Variants in GAD1 observed in about 807,000 individuals in gnomAD.
GAD1 encodes the protein glutamate decarboxylase 1, also known as 67 kDa glutamic acid decarboxylase.
GAD1 carries 35 observed loss-of-function variants against 75.2 expected under a neutral mutation model. The ratio of observed to expected loss-of-function variants is 0.47; its 90% confidence interval spans 0.36 to 0.62. The LOEUF (loss-of-function observed/expected upper bound fraction) is 0.62. GAD1 is among the 20% of genes least tolerant of loss of function. The pLI is 0.00. For missense variants in GAD1, 490 were observed against 758.5 expected (o/e 0.65, Z 4.16); for synonymous variants, 257 against 271.9 (o/e 0.95, Z 0.54).
chr2:170,857,202 C>A, intron 15 of GAD1, 77 bp downstream of exon 15: 1 of 1,152,946 alleles, frequency 8.7e-7, no homozygotes, highest in Non-Finnish European at 1.3e-6. Context: ...CTTCTGGCAA[C>A]ATGGGAAAAT....
intron 12 of GAD1, 80 bp from the exon 13 acceptor site, chr2:170,852,634 G>T: frequency 8.6e-7 from 1 of 1,159,836 alleles, no homozygotes; most frequent in Non-Finnish European, 1.3e-6. Flanking sequence ...AACTTGAGTT[G>T]GAATGGGTGT....
At chr2:170,845,258 C>G in intron 7 of GAD1, 1 of 562,010 alleles carries the variant, frequency 1.8e-6, no homozygotes, top group Non-Finnish European at 3.2e-6. Flanking sequence ...GGAAAGCGCA[C>G]TGAAGTACAC....
chr2:170,845,871 C>A, intron 9 of GAD1, 86 bp downstream of exon 9: 2 of 1,469,166 alleles, frequency 1.4e-6, no homozygotes, highest in Non-Finnish European at 1.9e-6. Context: ...TAAGGACTGG[C>A]TCAGTACATT....
At chr2:170,817,384 G>C (rs1701733872) in intron 1 of GAD1, 1 of 152,290 alleles carries the variant, frequency 6.6e-6, no homozygotes, top group Non-Finnish European at 1.5e-5. Flanking sequence ...AAGGGCGCCT[G>C]GGCAGCAGCA....
At position 170,818,758 on chromosome 2, in the gene GAD1, G is replaced by T; in HGVS notation, c.82+85G>T. On this transcript the variant is annotated intron_variant, in intron 2 of 16. Transcript: ENST00000358196. This position sits in a 1 kb window ranked among gnomAD's most constrained non-coding sequence, Gnocchi z 5.9. The stretch of plus-strand genomic sequence containing the variant: ...GTCGGGAGGCTGAGCTGGCGGAAAG[G>T]GAAGGGGGAGCGCGGAGATAATGGA... 7.8e-7 allele frequency: 1 copy of T among 1,284,366 alleles called. No homozygotes were observed. Among genetic ancestry groups the T allele is most frequent in the Non-Finnish European group, 1.1e-6 (1 of 879,778 alleles). The allele number at this position is 1,284,366 out of a possible 1,614,324, so 79.6% of individuals were successfully genotyped here. A position where few individuals can be genotyped will look rare whatever the true frequency, so the allele number is the denominator to read the frequency against.
chr2:170,836,729 G>A (rs45566633), intron 5 of GAD1, 64 bp from the exon 6 acceptor site: 93 of 1,156,292 alleles, frequency 8.0e-5, no homozygotes, highest in African/African-American at 6.7e-4. Flanking sequence ...GGGGCAGGCC[G>A]TTTGCCTTCA....
In GAD1 at chr2:170,824,414, CA is replaced by C. The variant is rs1399036595; in HGVS notation, c.145+2266del. ...ACACACACACACACACACACACACA[CA>C]CACACCCCTCCCTTCATCCCTGGAG... is the stretch of plus-strand genomic sequence containing the variant. On this transcript the variant is annotated intron_variant, in intron 3 of 16. Coordinates refer to ENST00000358196, the MANE Select transcript of GAD1 (RefSeq NM_000817.3). 5.5e-5 allele frequency among the ~76,000 whole-genome samples: 7 copies of C among 127,386 alleles called. 1 individual carries two copies. Among genetic ancestry groups the C allele is most frequent in the East Asian group, 2.5e-4 (1 of 4,012 alleles). The allele number at this position is 127,386 out of a possible 152,430, so 83.6% of individuals were successfully genotyped here. A position where few individuals can be genotyped will look rare whatever the true frequency, so the allele number is the denominator to read the frequency against.
At position 170,829,646 on chromosome 2, in the gene GAD1, C is replaced by A; in HGVS notation, c.304+13C>A. On this transcript the variant is annotated intron_variant, in intron 4 of 16. Transcript: ENST00000358196. ...CTGTTTGCTAGAGGTAGCCCCTGCC[C>A]CACTCCCGCCCCATGCTAGCCAGTA... 6.2e-7 allele frequency: 1 copy of A among 1,611,716 alleles called. No homozygotes were observed. The highest frequency in any genetic ancestry group is 1.1e-5 in the South Asian group (1 of 91,000).
At chr2:170,833,166 T>C (rs138012029) in intron 5 of GAD1, among the ~76,000 whole-genome samples, 19 of 152,364 alleles carry the variant, frequency 1.2e-4, no homozygotes, top group African/African-American at 4.6e-4. Context: ...GATTTAAGAC[T>C]GAGACTAGGA....
At chr2:170,832,655 C>T (rs966336276) in intron 5 of GAD1, among the ~76,000 whole-genome samples, 44 of 34,540 alleles carry the variant, frequency 1.3e-3, no homozygotes, top group South Asian at 1.5e-3. Context: ...CACACATGCG[C>T]GCGCGCGCGC....
intron 14 of GAD1, among the ~76,000 whole-genome samples, 179 bp from the exon 15 acceptor site, chr2:170,856,839 A>G (rs963611497): frequency 9.2e-5 from 14 of 152,322 alleles, no homozygotes; most frequent in African/African-American, 3.4e-4. Context: ...AAGCAGGCAC[A>G]CATCATTTAT....
At position 170,829,531 on chromosome 2, in the gene GAD1, A is replaced by G; in HGVS notation, c.202A>G (p.Lys68Glu). ...GAAGAGTCGCCTTGTGAGTGCCTTC[A>G]AGGAGAGGCAATCCTCCAAGAACCT... ...EEKSRLVSAFKERQSSKNLLS... is the reference protein window; with the variant it reads ...EEKSRLVSAFEERQSSKNLLS... The change falls in exon 4 of 17, where the codon AAG becomes GAG. Residue 68 changes from lysine (K) to glutamate (E), a missense_variant. Physicochemically the swap from Lys to Glu is moderately conservative, Grantham distance 56. This residue lies in a region of GAD1 where 165 missense variants were observed against 216.4 expected (regional missense o/e 0.76). Coordinates refer to ENST00000358196, the MANE Select transcript of GAD1 (RefSeq NM_000817.3). 1 of 1,613,844 alleles carries G rather than the reference A, an allele frequency of 6.2e-7. No homozygotes were observed. The highest frequency in any genetic ancestry group is 8.5e-7 in the Non-Finnish European group (1 of 1,179,984).
In GAD1 at chr2:170,818,864, C is replaced by A. The variant is rs539018293; in HGVS notation, c.82+191C>A. The stretch of plus-strand genomic sequence containing the variant: ...CAGGGACGCTAGGTGACTCCCAGGG[C>A]ACCGGAAAGCGAGGACCACGCAAGG... On this transcript the variant is annotated intron_variant, in intron 2 of 16. Transcript: ENST00000358196. The surrounding 1 kb of genome is among the most constrained non-coding windows in gnomAD (Gnocchi z 5.9). 6.6e-6 allele frequency among the ~76,000 whole-genome samples: 1 copy of A among 152,284 alleles called. No individual in the cohort carries two copies. Among genetic ancestry groups the A allele is most frequent in the East Asian group, 1.9e-4 (1 of 5,176 alleles).
chr2:170,845,219 C>T (rs148765655), intron 7 of GAD1: 7 of 486,638 alleles, frequency 1.4e-5, no homozygotes, highest in African/African-American at 1.4e-4. Context: ...GATGCAGCTA[C>T]CTCTTATATT....
intron 11 of GAD1, 95 bp downstream of exon 11, chr2:170,847,887 C>T: frequency 1.2e-6 from 1 of 815,394 alleles, no homozygotes; most frequent in Non-Finnish European, 2.2e-6. Context: ...CCCAGCCAGC[C>T]CTCTCTCCAC....
At chr2:170,839,601 G>A (rs1575438032) in intron 6 of GAD1, among the ~76,000 whole-genome samples, 3 of 148,492 alleles carry the variant, frequency 2.0e-5, no homozygotes, top group South Asian at 4.2e-4. Flanking sequence ...GCGACAGAAC[G>A]AGACTCCATC....
intron 9 of GAD1, 40 bp from the exon 10 acceptor site, chr2:170,845,969 A>C: frequency 6.3e-7 from 1 of 1,581,326 alleles, no homozygotes; most frequent in East Asian, 2.2e-5. Context: ...AATCTCATTG[A>C]CTCTTCATTT....
At chr2:170,831,594 A>ATGTGTGTGTG (rs370649454) in intron 5 of GAD1, among the ~76,000 whole-genome samples, 1,796 of 122,640 alleles carry the variant, frequency 0.015, 17 homozygotes, top group African/African-American at 0.02. Flanking sequence ...GTCTCTACAT[A>ATGTGTGTGTG]TGTGTGTGTG....
intron 7 of GAD1, among the ~76,000 whole-genome samples, chr2:170,845,155 T>C (rs1388602964): frequency 6.6e-6 from 1 of 152,232 alleles, no homozygotes; most frequent in Non-Finnish European, 1.5e-5. Flanking sequence ...GTAAATAGAT[T>C]GAGCAGAAAG....
Sources: allele counts gnomAD v4.1 joint callset (sites outside exome capture counted in the v4.1 genomes callset), GRCh38; gene constraint gnomAD v4.1.1; regional missense constraint gnomAD v4.1.1; non-coding constraint Gnocchi (gnomAD v3.1); transcripts MANE v1.5; gene names NCBI Gene and HGNC (gene_info 2026-07-23, HGNC 2026-07-21).